Variants in DPH6 observed in about 807,000 individuals in gnomAD.
The protein encoded by DPH6 is diphthine--ammonia ligase.
A neutral mutation model predicts 38.2 loss-of-function variants in DPH6; 33 were observed. That is an observed-to-expected ratio of 0.86 (90% CI 0.65 to 1.15). The LOEUF is 1.15. DPH6 is among the 50% of genes most tolerant of loss of function. The pLI, the probability that DPH6 is intolerant of heterozygous loss-of-function variation, is 0.00. For missense variants in DPH6, 325 were observed against 320.0 expected (o/e 1.02, Z -0.12); for synonymous variants, 108 against 103.0 (o/e 1.05, Z -0.30).
At chr15:35,446,229 C>CT (rs71123132) in intron 5 of DPH6, among the ~76,000 whole-genome samples, 21 of 95,010 alleles carry the variant, frequency 2.2e-4, no homozygotes, top group African/African-American at 7.6e-4. Context: ...TTTTTTTTTC[C>CT]TTTTTTTTTT....
chr15:35,229,615 G>T (rs1045354722), intron 3 of DPH6, among the ~76,000 whole-genome samples: 3 of 152,096 alleles, frequency 2.0e-5, no homozygotes, highest in Admixed American at 2.0e-4. Flanking sequence ...ATGTTTGTCT[G>T]TGTCTGGGCA....
intron 3 of DPH6, among the ~76,000 whole-genome samples, chr15:35,231,649 G>A (rs1308618233): frequency 6.6e-6 from 1 of 152,182 alleles, no homozygotes; most frequent in Non-Finnish European, 1.5e-5. Context: ...TTGCTATTAA[G>A]GAATACTTGA....
At chr15:35,216,998 G>T (rs941708343), downstream of DPH6, among the ~76,000 whole-genome samples, 8 of 152,162 alleles carry the variant, frequency 5.3e-5, no homozygotes, top group African/African-American at 1.9e-4. Flanking sequence ...GACACAACTT[G>T]TAAAACTGGT....
the DPH6 span, among the ~76,000 whole-genome samples, chr15:35,199,232 A>G: frequency 1.3e-5 from 2 of 152,320 alleles, no homozygotes; most frequent in African/African-American, 4.8e-5. Context: ...TCTTCTTGAC[A>G]GAATGATGTC....
chr15:35,498,160 C>A (rs556546123), intron 3 of DPH6, among the ~76,000 whole-genome samples: 1 of 152,278 alleles, frequency 6.6e-6, no homozygotes, highest in Non-Finnish European at 1.5e-5. Flanking sequence ...AATTAAAAAA[C>A]CCACAACCTT....
At chr15:35,494,568 C>T (rs908517567) in intron 3 of DPH6, among the ~76,000 whole-genome samples, 32 of 152,172 alleles carry the variant, frequency 2.1e-4, no homozygotes, top group Admixed American at 6.5e-5. Context: ...GAAATTCACC[C>T]TTCAAAGTAA....
intron 5 of DPH6, among the ~76,000 whole-genome samples, chr15:35,435,004 G>C (rs567241258): frequency 3.3e-5 from 5 of 150,208 alleles, no homozygotes; most frequent in Non-Finnish European, 5.9e-5. Context: ...GAATTCCTAA[G>C]CTCAAGCCAT....
intron 6 of DPH6, among the ~76,000 whole-genome samples, chr15:35,387,388 G>A (rs1324118393): frequency 2.6e-5 from 4 of 152,122 alleles, no homozygotes; most frequent in African/African-American, 9.7e-5. Context: ...GAAAGTCACT[G>A]GTAGCTTGAT....
intron 3 of DPH6, among the ~76,000 whole-genome samples, chr15:35,497,174 G>A (rs1007232612): frequency 2.0e-5 from 3 of 151,938 alleles, no homozygotes; most frequent in African/African-American, 7.3e-5. Context: ...TAATTACTAC[G>A]CTCCAAGCAG....
At chr15:35,532,367 C>A (rs1406020363) in intron 3 of DPH6, among the ~76,000 whole-genome samples, 1 of 152,134 alleles carries the variant, frequency 6.6e-6, no homozygotes, top group Non-Finnish European at 1.5e-5. Context: ...AGGAGGCTCT[C>A]GCATAGTACA....
At chr15:35,433,581 A>G (rs1026998830) in intron 5 of DPH6, among the ~76,000 whole-genome samples, 4 of 152,192 alleles carry the variant, frequency 2.6e-5, no homozygotes, top group Non-Finnish European at 4.4e-5. Flanking sequence ...AAATTCTTCC[A>G]TTGTAGCATG....
At chr15:35,351,814 T>G (rs1452937319) in intron 3 of DPH6, among the ~76,000 whole-genome samples, 1 of 151,830 alleles carries the variant, frequency 6.6e-6, no homozygotes, top group Admixed American at 6.6e-5. Context: ...ACTGAACTCT[T>G]GGGATCAAGG....
At chr15:35,316,963 A>G (rs2052195130) in intron 3 of DPH6, among the ~76,000 whole-genome samples, 1 of 152,202 alleles carries the variant, frequency 6.6e-6, no homozygotes, top group African/African-American at 2.4e-5. Flanking sequence ...ATACCCAGCA[A>G]AAAACTCTCT....
intron 6 of DPH6, among the ~76,000 whole-genome samples, chr15:35,387,145 T>C (rs1347711572): frequency 6.6e-6 from 1 of 152,192 alleles, no homozygotes; most frequent in Non-Finnish European, 1.5e-5. Flanking sequence ...AAAGATCGGA[T>C]AGTTGTAGAC....
At chr15:35,174,330 T>C in the DPH6 span, among the ~76,000 whole-genome samples, 4 of 152,254 alleles carry the variant, frequency 2.6e-5, no homozygotes, top group East Asian at 7.7e-4. Context: ...AGTAGACATA[T>C]GAACATGTCT....
At chr15:35,273,210 C>A (rs1157853989) in intron 3 of DPH6, among the ~76,000 whole-genome samples, 1 of 152,010 alleles carries the variant, frequency 6.6e-6, no homozygotes, top group Non-Finnish European at 1.5e-5. Context: ...TGAGTAAGTT[C>A]TTTTGTGGTG....
chr15:35,521,682 TGAA>T (rs1472022561), intron 3 of DPH6: 1 of 1,230,834 alleles, frequency 8.1e-7, no homozygotes, highest in Non-Finnish European at 1.0e-6. Flanking sequence ...AGTTTACTAT[TGAA>T]GAAGAGCAGC....
chr15:35,536,279 CAATAT>C (rs2141552009), intron 3 of DPH6, among the ~76,000 whole-genome samples: 1 of 151,936 alleles, frequency 6.6e-6, no homozygotes, highest in East Asian at 1.9e-4. Flanking sequence ...TCCATAAAAG[CAATAT>C]ATTTCTGATA....
At chr15:35,542,945 A>AATATATATATATATATATATAT (rs67141062) in intron 1 of DPH6, among the ~76,000 whole-genome samples, 1,349 of 30,042 alleles carry the variant, frequency 0.045, 135 homozygotes, top group Non-Finnish European at 0.058. Flanking sequence ...CCACTTAAGG[A>AATATATATATATATATATATAT]ATATATATAT....
Sources: gnomAD v4.1 joint callset for allele counts (sites outside exome capture counted in the v4.1 genomes callset) on GRCh38, gnomAD v4.1.1 for gene constraint, MANE v1.5 for transcripts, NCBI Gene and HGNC (gene_info 2026-07-23, HGNC 2026-07-21) for gene names.